Variants in IFNLR1 observed in about 807,000 individuals in gnomAD.
IFNLR1 encodes the protein interferon lambda receptor 1.
In IFNLR1, 28 loss-of-function variants were observed where a neutral mutation model predicts 52.5. That is an observed-to-expected ratio of 0.53 (90% confidence interval 0.40 to 0.73). The LOEUF (loss-of-function observed/expected upper bound fraction) is 0.73, where lower values mean the gene tolerates loss of function less well. IFNLR1 is among the 30% of genes least tolerant of loss of function. The pLI is 0.00. For synonymous variants in IFNLR1, 276 were observed against 274.9 expected (o/e 1.00, Z -0.04); for missense variants, 623 against 659.1 (o/e 0.95, Z 0.60).
chr1:24,187,125 G>C, intron 1 of IFNLR1, 66 bp downstream of exon 1: 2 of 1,123,966 alleles, frequency 1.8e-6, no homozygotes, highest in Non-Finnish European at 1.2e-6. Context: ...CTCCGGGTCC[G>C]AGGGTAGGCG....
intron 3 of IFNLR1, among the ~76,000 whole-genome samples, chr1:24,162,774 TTC>T (rs1557643902): frequency 0.073 from 2,960 of 40,450 alleles, 247 homozygotes; most frequent in Admixed American, 0.081. Flanking sequence ...CTTTCTTTCT[TTC>T]TTTTTCTTTC....
At chr1:24,159,320 G>A in intron 5 of IFNLR1, 138 bp from the exon 6 acceptor site, 1 of 1,306,660 alleles carries the variant, frequency 7.7e-7, no homozygotes. Context: ...GCAAACCAAG[G>A]TTTGGGGCAT....
At chr1:24,162,938 C>CTTTT (rs1553162263) in intron 3 of IFNLR1, among the ~76,000 whole-genome samples, 1 of 80,638 alleles carries the variant, frequency 1.2e-5, no homozygotes, top group African/African-American at 5.2e-5. Context: ...TTCTTTCTTT[C>CTTTT]TCTTTCTTTC....
Position 24,157,865 on chromosome 1 carries a change from C to T in IFNLR1, c.828G>A (p.Val276=). Residue 276 remains valine, a synonymous_variant, in exon 7 of 7, where the codon GTG becomes GTA. Transcript: ENST00000327535. This position sits in a 1 kb window ranked among gnomAD's most constrained non-coding sequence, Gnocchi z 5.1. ...CTGGTCTGCTGGGCTGAAAGGTTGC[C>T]ACAGGGTGTGTGTGTCCAGAAAAGT... The part of the protein sequence containing the change: ...ALDFSGHTHP[V]ATFQPSRPES... 6.2e-7 allele frequency: 1 copy of T among 1,605,034 alleles called. No individual in the cohort carries two copies. Among genetic ancestry groups the T allele is most frequent in the Non-Finnish European group, 8.5e-7 (1 of 1,175,834 alleles).
chr1:24,184,552 CGA>C (rs143725616), intron 1 of IFNLR1, among the ~76,000 whole-genome samples: 5,710 of 152,224 alleles, frequency 0.038, 286 homozygotes, highest in African/African-American at 0.12. Context: ...TCTTCCTGCT[CGA>C]TGTTGCCAAG....
At chr1:24,161,308 T>A in intron 4 of IFNLR1, 1 of 602,918 alleles carries the variant, frequency 1.7e-6, no homozygotes, top group Non-Finnish European at 3.0e-6. Context: ...TTCTTAGAGC[T>A]TATCTGTATT....
chr1:24,163,807 G>T (rs542284181), intron 3 of IFNLR1, among the ~76,000 whole-genome samples: 6 of 152,028 alleles, frequency 3.9e-5, no homozygotes, highest in African/African-American at 9.7e-5. Flanking sequence ...TCGAACTGCC[G>T]ACCTCAGGTG....
At chr1:24,175,389 T>A (rs1388905599) in intron 2 of IFNLR1, among the ~76,000 whole-genome samples, 1 of 152,258 alleles carries the variant, frequency 6.6e-6, no homozygotes, top group African/African-American at 2.4e-5. Flanking sequence ...TAATGGAATT[T>A]GCCCTGCGAG....
intron 1 of IFNLR1, among the ~76,000 whole-genome samples, chr1:24,186,048 T>TTACTTGTGTTGTGA (rs927218407): frequency 6.6e-6 from 1 of 152,198 alleles, no homozygotes; most frequent in Non-Finnish European, 1.5e-5. Flanking sequence ...GTTGTGTATA[T>TTACTTGTGTTGTGA]TAAATACTTA....
intron 3 of IFNLR1, among the ~76,000 whole-genome samples, chr1:24,166,388 T>G (rs1161549391): frequency 6.6e-6 from 1 of 151,902 alleles, no homozygotes; most frequent in Non-Finnish European, 1.5e-5. Context: ...TCTTTCACCT[T>G]TCTACACATC....
At chr1:24,158,398 T>C (rs1644405156) in intron 6 of IFNLR1, among the ~76,000 whole-genome samples, 1 of 152,208 alleles carries the variant, frequency 6.6e-6, no homozygotes, top group African/African-American at 2.4e-5. Flanking sequence ...CCCTGACAGT[T>C]AGTGGGATTC....
chr1:24,184,939 A>C (rs1489463404), intron 1 of IFNLR1, among the ~76,000 whole-genome samples: 2 of 152,098 alleles, frequency 1.3e-5, no homozygotes, highest in Non-Finnish European at 2.9e-5. Flanking sequence ...GAATTGCTTG[A>C]ACCCGATAGG....
At position 24,186,787 on chromosome 1, in the gene IFNLR1, G is replaced by A. The variant is rs575039491; in HGVS notation, c.58+404C>T. 3.9e-5 allele frequency among the ~76,000 whole-genome samples: 6 copies of A among 152,350 alleles called. No individual in the cohort carries two copies. In the South Asian group the frequency reaches 1.2e-3, roughly 32 times the overall value. On this transcript the variant is annotated intron_variant, in intron 1 of 6. Coordinates refer to ENST00000327535, the MANE Select transcript of IFNLR1 (RefSeq NM_170743.4). ...GCTCCGTCCCACCAGAGGCCTGGCA[G>A]GAACGGGAAGGGACATCAATCGGTC...
In IFNLR1 at chr1:24,154,564, T is replaced by G. The variant is rs1644359875; in HGVS notation, c.*2566A>C. 1 of 152,218 alleles carries G rather than the reference T, an allele frequency of 6.6e-6. No individual in the cohort carries two copies. Among genetic ancestry groups the G allele is most frequent in the South Asian group, 2.1e-4 (1 of 4,830 alleles). The allele number at this position is 152,218 out of a possible 1,614,324, so 9.4% of individuals were successfully genotyped here. On this transcript the variant is annotated 3_prime_UTR_variant, in exon 7 of 7. Transcript: ENST00000327535. Reference sequence around the variant, plus strand: ...TGGAGTTTAGAGTTACTGGAAAACTTAAGCTATGTCAGAAATTAAACTCTG... The same window carrying G: ...TGGAGTTTAGAGTTACTGGAAAACTGAAGCTATGTCAGAAATTAAACTCTG...
chr1:24,158,272 G>GC (rs1415100309), intron 6 of IFNLR1, among the ~76,000 whole-genome samples: 1 of 152,220 alleles, frequency 6.6e-6, no homozygotes, highest in Non-Finnish European at 1.5e-5. Context: ...GGCTCCAGAG[G>GC]CCAGAGAAAG....
chr1:24,168,897 C>T lies in IFNLR1; in HGVS notation c.367+520G>A, dbSNP rs546636241. Among the ~76,000 whole-genome samples, 27 of 152,286 alleles carry T rather than the reference C, an allele frequency of 1.8e-4. 1 individual carries two copies. The South Asian group carries it at 4.3e-3, about 25-fold the overall frequency. On this transcript the variant is annotated intron_variant, in intron 3 of 6. Transcript: ENST00000327535. Reference sequence around the variant, plus strand: ...TAGCTGGGATTACAGGTGCCTGCCACCAAGCCTGGCTAATTTTTGTATTTT... The same window carrying T: ...TAGCTGGGATTACAGGTGCCTGCCATCAAGCCTGGCTAATTTTTGTATTTT...
intron 1 of IFNLR1, among the ~76,000 whole-genome samples, chr1:24,183,332 T>C (rs1644709719): frequency 6.6e-6 from 1 of 151,652 alleles, no homozygotes; most frequent in African/African-American, 2.4e-5. Context: ...GCATGGCAGC[T>C]GACACCTGTA....
intron 1 of IFNLR1, among the ~76,000 whole-genome samples, chr1:24,182,240 T>C (rs1406160069): frequency 6.7e-6 from 1 of 149,840 alleles, no homozygotes; most frequent in Non-Finnish European, 1.5e-5. Flanking sequence ...GGGCACACTG[T>C]AAGTACCCAC....
chr1:24,167,545 C>T lies in IFNLR1; in HGVS notation c.367+1872G>A, dbSNP rs141468798. 6.5e-3 allele frequency among the ~76,000 whole-genome samples: 984 copies of T among 151,992 alleles called. 14 individuals carry two copies. The highest frequency in any genetic ancestry group is 0.053 in the South Asian group (257 of 4,818). Reference sequence around the variant, plus strand: ...GACTACAGGTGTGTGCCACCACACACGGGTAACTTTTGTATTTTTAGTAGA... The same window carrying T: ...GACTACAGGTGTGTGCCACCACACATGGGTAACTTTTGTATTTTTAGTAGA... On this transcript the variant is annotated intron_variant, in intron 3 of 6. Coordinates refer to ENST00000327535, the MANE Select transcript of IFNLR1 (RefSeq NM_170743.4).
Sources: allele counts gnomAD v4.1 joint callset (sites outside exome capture counted in the v4.1 genomes callset), GRCh38; gene constraint gnomAD v4.1.1; non-coding constraint Gnocchi (gnomAD v3.1); transcripts MANE v1.5; gene names NCBI Gene and HGNC (gene_info 2026-07-23, HGNC 2026-07-21).